SIK3: variants seen among roughly 807,000 people sequenced by gnomAD.
SIK3 encodes serine/threonine-protein kinase SIK3.
In SIK3, 28 loss-of-function variants were observed where a neutral mutation model predicts 144.2. The ratio of observed to expected loss-of-function variants is 0.19; its 90% confidence interval spans 0.14 to 0.27. The LOEUF is 0.27. Among genes scored for constraint, SIK3 ranks in the 10% least tolerant of loss-of-function variants. The pLI is 1.00. For synonymous variants in SIK3, 686 were observed against 676.3 expected (o/e 1.01, Z -0.22); for missense variants, 1,319 against 1,776.0 (o/e 0.74, Z 4.62).
chr11:116,942,187 CTTAG>C (rs1190201431), intron 3 of SIK3, among the ~76,000 whole-genome samples: 3 of 152,142 alleles, frequency 2.0e-5, no homozygotes, highest in Non-Finnish European at 4.4e-5. Context: ...CCATGCTTGA[CTTAG>C]TTATATTTCA....
chr11:117,017,361 G>A (rs571904016), intron 1 of SIK3, among the ~76,000 whole-genome samples: 3 of 152,290 alleles, frequency 2.0e-5, no homozygotes, highest in African/African-American at 7.2e-5. Flanking sequence ...TGCTAAAAAT[G>A]TTCTATTTCT....
At chr11:116,884,340 C>T (rs1365355294) in intron 6 of SIK3, among the ~76,000 whole-genome samples, 3 of 143,410 alleles carry the variant, frequency 2.1e-5, no homozygotes, top group Non-Finnish European at 3.0e-5. Flanking sequence ...GCACACACCA[C>T]CACATCTGGC....
At chr11:116,951,482 C>T (rs917028972) in intron 3 of SIK3, among the ~76,000 whole-genome samples, 5 of 151,960 alleles carry the variant, frequency 3.3e-5, no homozygotes, top group Admixed American at 2.6e-4. Flanking sequence ...AAAGTAATTG[C>T]GGTTTTTGCC....
intron 1 of SIK3, among the ~76,000 whole-genome samples, chr11:116,965,754 T>TGGTGAAAACCCGTCTCTGCTA (rs1949511726): frequency 5.8e-3 from 56 of 9,710 alleles, no homozygotes; most frequent in Non-Finnish European, 8.4e-3. Flanking sequence ...TATATATATA[T>TGGTGAAAACCCGTCTCTGCTA]ATATATATAT....
intron 1 of SIK3, among the ~76,000 whole-genome samples, chr11:116,992,143 G>A (rs992623726): frequency 6.6e-6 from 1 of 152,016 alleles, no homozygotes; most frequent in African/African-American, 2.4e-5. Flanking sequence ...GGCCAACATG[G>A]TGAAACCTCA....
chr11:116,991,226 T>C lies in SIK3; in HGVS notation c.274-34162A>G, dbSNP rs558454940. On this transcript the variant is annotated intron_variant, in intron 1 of 24. Transcript: ENST00000445177. Reference sequence around the variant, plus strand: ...ACTTTGGGAGGCCAAGGTGGGCGGATCCAAGGTGGCCAGGAGTTTGAGACC... The same window carrying C: ...ACTTTGGGAGGCCAAGGTGGGCGGACCCAAGGTGGCCAGGAGTTTGAGACC... 5.2e-3 allele frequency among the ~76,000 whole-genome samples: 793 copies of C among 152,260 alleles called. 8 individuals are homozygous for C. The highest frequency in any genetic ancestry group is 0.018 in the African/African-American group (753 of 41,534).
chr11:116,908,766 A>C (rs532385535), intron 4 of SIK3, among the ~76,000 whole-genome samples: 6 of 152,328 alleles, frequency 3.9e-5, no homozygotes, highest in African/African-American at 1.4e-4. Flanking sequence ...AGAGTAGATA[A>C]TAACAAGCAC....
chr11:117,071,234 ACT>A (rs1954267631), intron 1 of SIK3, among the ~76,000 whole-genome samples: 1 of 151,758 alleles, frequency 6.6e-6, no homozygotes, highest in Admixed American at 6.6e-5. Context: ...AAGGAACTAT[ACT>A]CTAGCCAGTA....
chr11:117,044,538 T>C (rs1384831819), intron 1 of SIK3, among the ~76,000 whole-genome samples: 3 of 152,110 alleles, frequency 2.0e-5, no homozygotes, highest in Non-Finnish European at 4.4e-5. Context: ...GGAAACAGTA[T>C]TTCCCTCCTC....
chr11:116,994,831 T>G (rs1485675460), intron 1 of SIK3, among the ~76,000 whole-genome samples: 2 of 152,046 alleles, frequency 1.3e-5, no homozygotes, highest in Non-Finnish European at 2.9e-5. Flanking sequence ...AACAATCTGT[T>G]TTTGTCCTGC....
chr11:117,083,221 G>A (rs1310495566), intron 1 of SIK3, among the ~76,000 whole-genome samples: 2 of 152,126 alleles, frequency 1.3e-5, no homozygotes, highest in African/African-American at 4.8e-5. Context: ...AAAGAAAGGA[G>A]GAAAATGAGA....
intron 1 of SIK3, among the ~76,000 whole-genome samples, chr11:117,070,534 T>C (rs1363981371): frequency 6.6e-6 from 1 of 151,284 alleles, no homozygotes; most frequent in Non-Finnish European, 1.5e-5. Context: ...GCAACCTCCA[T>C]CTCCTGGGTT....
intron 4 of SIK3, among the ~76,000 whole-genome samples, chr11:116,910,166 A>C (rs1946261598): frequency 6.6e-6 from 1 of 152,182 alleles, no homozygotes; most frequent in Non-Finnish European, 1.5e-5. Flanking sequence ...AGTATACACT[A>C]CATATAATTT....
chr11:117,077,076 A>G (rs1481559223), intron 1 of SIK3, among the ~76,000 whole-genome samples: 1 of 152,176 alleles, frequency 6.6e-6, no homozygotes, highest in Admixed American at 6.5e-5. Flanking sequence ...GGATCACTTG[A>G]GCCCAGGAGT....
chr11:116,915,166 G>GTGTA (rs1230398261), intron 4 of SIK3, among the ~76,000 whole-genome samples: 1 of 149,028 alleles, frequency 6.7e-6, no homozygotes, highest in African/African-American at 2.5e-5. Context: ...GTGTGTATGT[G>GTGTA]TATTTTTTCT....
rs560928251 is a variant in SIK3, at chr11:116,927,505, G to A, written c.455-125C>T. 3.8e-5 allele frequency: 29 copies of A among 773,296 alleles called. 1 individual carries two copies. In the South Asian group the frequency reaches 5.2e-4, roughly 14 times the overall value. The allele number at this position is 773,296 out of a possible 1,614,324, so 47.9% of individuals were successfully genotyped here. ...TAAAGAGGCAAAATGAGCAATGAGA[G>A]AACAACACATTGATAGTCCTGGTTT... On this transcript the variant is annotated intron_variant, in intron 3 of 24. Coordinates refer to ENST00000445177, the MANE Select transcript of SIK3 (RefSeq NM_001366686.3).
rs374563276 is a variant in SIK3 at position 116,957,568 on chromosome 11, G to A, written c.274-504C>T. The stretch of plus-strand genomic sequence containing the variant: ...GTAGAACTCAATAATAATAATAATA[G>A]TAGCAGTGATGGTGGTGGCAGCAGC... On this transcript the variant is annotated intron_variant, in intron 1 of 24. Coordinates refer to ENST00000445177, the MANE Select transcript of SIK3 (RefSeq NM_001366686.3). Among the ~76,000 whole-genome samples the A allele has an allele frequency of 3.3e-5, 5 of 152,252 alleles. No individual in the cohort carries two copies. In the East Asian group the frequency reaches 5.8e-4, roughly 18 times the overall value.
chr11:116,940,231 G>GTTT (rs759117065), intron 3 of SIK3, among the ~76,000 whole-genome samples: 9 of 135,784 alleles, frequency 6.6e-5, no homozygotes, highest in East Asian at 2.1e-4. Flanking sequence ...AGGTTTTTTT[G>GTTT]TTTTTTTTTT....
intron 6 of SIK3, among the ~76,000 whole-genome samples, chr11:116,882,847 T>C (rs965736536): frequency 1.2e-4 from 18 of 152,212 alleles, no homozygotes; most frequent in South Asian, 8.3e-4. Context: ...ATGAATTGCT[T>C]CTGGCACAAT....
Sources: allele counts gnomAD v4.1 joint callset (sites outside exome capture counted in the v4.1 genomes callset), GRCh38; gene constraint gnomAD v4.1.1; transcripts MANE v1.5; gene names NCBI Gene and HGNC (gene_info 2026-07-23, HGNC 2026-07-21).